The following ARL8B variants were observed in gnomAD, a reference collection of about 807,000 sequenced individuals.
ARL8B encodes ARF like GTPase 8B, also known as ADP-ribosylation factor-like protein 8B.
Under a neutral mutation model 30.6 loss-of-function variants are expected in ARL8B, and 9 were observed. The ratio of observed to expected loss-of-function variants is 0.29; its 90% CI spans 0.18 to 0.51. ARL8B has a LOEUF of 0.51. ARL8B is among the 20% of genes least tolerant of loss of function. ARL8B has a pLI of 0.97. For missense variants in ARL8B, 130 were observed against 227.2 expected (o/e 0.57, Z 2.75); for synonymous variants, 74 against 76.0 (o/e 0.97, Z 0.14).
chr3:5,122,677 G>A, intron 1 of ARL8B, 89 bp downstream of exon 1: 1 of 1,417,962 alleles, frequency 7.1e-7, no homozygotes, highest in Non-Finnish European at 9.5e-7. Flanking sequence ...GGCCCCCCTC[G>A]GCGCGATGGG....
At chr3:5,157,022 T>A (rs1370374758) in intron 1 of ARL8B, 1 of 152,256 alleles carries the variant, frequency 6.6e-6, no homozygotes, top group African/African-American at 2.4e-5. Flanking sequence ...TTTGTTTAAA[T>A]CCTGTGGAGA....
intron 1 of ARL8B, among the ~76,000 whole-genome samples, chr3:5,136,706 C>T (rs2054328715): frequency 1.3e-5 from 2 of 152,104 alleles, no homozygotes; most frequent in African/African-American, 4.8e-5. Flanking sequence ...TGGCTGTGGG[C>T]AGAAGGATAG....
chr3:5,123,670 G>C (rs1265032052), intron 1 of ARL8B, among the ~76,000 whole-genome samples: 1 of 152,154 alleles, frequency 6.6e-6, no homozygotes, highest in South Asian at 2.1e-4. Context: ...CGACTGGTTA[G>C]GTTACACAAG....
Position 5,166,327 on chromosome 3 carries a change from T to C in ARL8B, c.124-4176T>C, listed in dbSNP as rs11928819. The stretch of plus-strand genomic sequence containing the variant: ...TGCTGGGAGTACAGGTGTGAGCTGC[T>C]GCGCCTGGCTGGTATCTTTCGTTTT... On this transcript the variant is annotated intron_variant, in intron 1 of 6. Coordinates refer to ENST00000256496, the MANE Select transcript of ARL8B (RefSeq NM_018184.3). 9.2e-3 allele frequency among the ~76,000 whole-genome samples: 1,323 copies of C among 143,516 alleles called. 19 individuals carry two copies. The highest frequency in any genetic ancestry group is 0.032 in the African/African-American group (1,233 of 38,412). 94.2% of individuals were successfully genotyped at this position (143,516 alleles called of 152,430 possible).
chr3:5,135,171 G>C (rs1019333429), intron 1 of ARL8B, among the ~76,000 whole-genome samples: 9 of 152,064 alleles, frequency 5.9e-5, no homozygotes, highest in Admixed American at 2.6e-4. Context: ...CTTTAGGCTA[G>C]TTAACATATA....
intron 1 of ARL8B, among the ~76,000 whole-genome samples, chr3:5,139,621 T>C (rs750461434): frequency 6.6e-6 from 1 of 152,206 alleles, no homozygotes; most frequent in Non-Finnish European, 1.5e-5. Context: ...CAGACCTAAA[T>C]GGCCACTGAT....
chr3:5,171,148 C>T (rs1247699210), intron 2 of ARL8B, among the ~76,000 whole-genome samples: 1 of 152,140 alleles, frequency 6.6e-6, no homozygotes, highest in East Asian at 1.9e-4. Context: ...CTCTGTGGCT[C>T]ATCTAATGAA....
intron 1 of ARL8B, among the ~76,000 whole-genome samples, chr3:5,139,231 G>C (rs904657522): frequency 5.9e-5 from 9 of 152,270 alleles, no homozygotes; most frequent in South Asian, 4.1e-4. Flanking sequence ...TTACAATCTT[G>C]GCTTTAATGT....
intron 1 of ARL8B, among the ~76,000 whole-genome samples, chr3:5,152,820 G>C (rs2054496363): frequency 6.6e-6 from 1 of 151,694 alleles, no homozygotes; most frequent in African/African-American, 2.4e-5. Context: ...CATATGGTTG[G>C]GTCTTTTTAA....
At position 5,175,020 on chromosome 3, in the gene ARL8B, T is replaced by G. The variant is rs2106573778; in HGVS notation, c.511+606T>G. Among the ~76,000 whole-genome samples, 3 of 151,962 alleles carry G rather than the reference T, an allele frequency of 2.0e-5. 1 individual carries two copies. The Middle Eastern group carries it at 0.01, about 517-fold the overall frequency. On this transcript the variant is annotated intron_variant, in intron 6 of 6. Transcript: ENST00000256496. ...GTTTCCATGTTGCCCAAGCTGGTCT[T>G]GAACTCCTGACCTCAAATGATCCAA...
intron 1 of ARL8B, among the ~76,000 whole-genome samples, chr3:5,165,718 T>C (rs1161917792): frequency 6.6e-6 from 1 of 152,206 alleles, no homozygotes; most frequent in Non-Finnish European, 1.5e-5. Context: ...TATTTGTCTT[T>C]TCAAGTTTAT....
At chr3:5,141,810 A>G (rs1399180179) in intron 1 of ARL8B, among the ~76,000 whole-genome samples, 1 of 152,166 alleles carries the variant, frequency 6.6e-6, no homozygotes, top group Admixed American at 6.5e-5. Context: ...GGCTGGTGGC[A>G]TCTAACTGGC....
At chr3:5,152,070 G>T (rs2054489711) in intron 1 of ARL8B, among the ~76,000 whole-genome samples, 1 of 152,172 alleles carries the variant, frequency 6.6e-6, no homozygotes, top group African/African-American at 2.4e-5. Flanking sequence ...CATTTGAAAA[G>T]AATGTGTATT....
chr3:5,180,745 T>C lies in ARL8B; in HGVS notation c.*2032T>C, dbSNP rs146922203. The C allele has an allele frequency of 6.2e-3, 954 of 152,744 alleles. 4 individuals carry two copies. Among genetic ancestry groups the C allele is most frequent in the Non-Finnish European group, 9.2e-3 (626 of 68,026 alleles). 9.5% of individuals were successfully genotyped at this position (152,744 alleles called of 1,614,324 possible). A position where few individuals can be genotyped will look rare whatever the true frequency, so the allele number is the denominator to read the frequency against. On this transcript the variant is annotated 3_prime_UTR_variant, in exon 7 of 7. Transcript: ENST00000256496. ...ATTCAATAAACTTGCATTTTAAGGG[T>C]TGTATTGGCAATTTTAACTTAAAAT...
intron 1 of ARL8B, among the ~76,000 whole-genome samples, chr3:5,147,289 C>T (rs1158113716): frequency 2.0e-5 from 3 of 152,092 alleles, no homozygotes; most frequent in South Asian, 2.1e-4. Flanking sequence ...CTGTCCTTGG[C>T]GATAGTTTGC....
At chr3:5,130,026 G>T (rs1298952765) in intron 1 of ARL8B, among the ~76,000 whole-genome samples, 1 of 151,518 alleles carries the variant, frequency 6.6e-6, no homozygotes, top group East Asian at 1.9e-4. Flanking sequence ...ACCACACACA[G>T]CTAGTTTTTG....
intron 1 of ARL8B, among the ~76,000 whole-genome samples, chr3:5,127,483 G>T (rs530199440): frequency 6.6e-6 from 1 of 152,206 alleles, no homozygotes; most frequent in South Asian, 2.1e-4. Flanking sequence ...TTAAATCCAG[G>T]CATCTTAAGC....
chr3:5,125,536 CT>C (rs66519927), intron 1 of ARL8B, among the ~76,000 whole-genome samples: 117 of 141,880 alleles, frequency 8.2e-4, no homozygotes, highest in Admixed American at 7.1e-4. Flanking sequence ...CCACCATTAT[CT>C]TTTTTTTTTT....
intron 1 of ARL8B, among the ~76,000 whole-genome samples, chr3:5,157,548 C>T (rs1381235459): frequency 1.3e-5 from 2 of 152,190 alleles, no homozygotes; most frequent in Non-Finnish European, 2.9e-5. Flanking sequence ...CCCTCCCCTC[C>T]CCAAAGCACT....
Sources: gnomAD v4.1 joint callset for allele counts (sites outside exome capture counted in the v4.1 genomes callset) on GRCh38, gnomAD v4.1.1 for gene constraint, MANE v1.5 for transcripts, NCBI Gene and HGNC (gene_info 2026-07-23, HGNC 2026-07-21) for gene names.